Variants in EPG5 observed in about 807,000 individuals in gnomAD.
EPG5 encodes the protein ectopic P-granules 5 autophagy tethering factor, also known as ectopic P granules protein 5 homolog.
EPG5 carries 159 observed loss-of-function variants against 302.7 expected under a neutral mutation model. That is an observed-to-expected ratio of 0.53 (90% CI 0.46 to 0.60). The LOEUF (loss-of-function observed/expected upper bound fraction) is 0.60. EPG5 is among the 20% of genes least tolerant of loss of function. The pLI is 0.00. For synonymous variants in EPG5, 1,158 were observed against 1,136.8 expected (o/e 1.02, Z -0.37); for missense variants, 2,896 against 3,092.4 (o/e 0.94, Z 1.51).
At chr18:45,903,669 G>A (rs941723291) in intron 25 of EPG5, among the ~76,000 whole-genome samples, 4 of 152,142 alleles carry the variant, frequency 2.6e-5, no homozygotes, top group African/African-American at 4.8e-5. Flanking sequence ...CTAGAAAAAT[G>A]TACTGGGAGA....
chr18:45,946,835 T>C (rs899328418), intron 6 of EPG5, 67 bp from the exon 7 acceptor site: 15 of 1,248,790 alleles, frequency 1.2e-5, no homozygotes, highest in Middle Eastern at 3.8e-4. Context: ...GTGGATTCTC[T>C]ACTCACCCTG....
At chr18:45,930,613 T>C in intron 12 of EPG5, 63 bp downstream of exon 12, 1 of 1,401,298 alleles carries the variant, frequency 7.1e-7, no homozygotes, top group East Asian at 2.5e-5. Flanking sequence ...CCCCAAAAAA[T>C]CAACAGATGG....
intron 27 of EPG5, among the ~76,000 whole-genome samples, chr18:45,893,151 T>C (rs1267926813): frequency 3.3e-5 from 5 of 152,198 alleles, no homozygotes; most frequent in East Asian, 1.9e-4. Flanking sequence ...AGTAGGGGTC[T>C]TGAATTTAGA....
At chr18:45,864,654 C>G (rs1790298) in intron 39 of EPG5, among the ~76,000 whole-genome samples, 120,436 of 152,100 alleles carry the variant, frequency 0.79, 48,465 homozygotes, top group African/African-American at 0.93. Context: ...GTTAAAGATG[C>G]GTTTCTCCAA....
intron 20 of EPG5, among the ~76,000 whole-genome samples, chr18:45,914,950 T>C (rs2049994295): frequency 7.6e-6 from 1 of 130,826 alleles, no homozygotes; most frequent in Non-Finnish European, 1.6e-5. Context: ...AGGCCCTGTA[T>C]CCAAAAATGT....
At chr18:45,820,576 T>C in the EPG5 span, among the ~76,000 whole-genome samples, 2 of 152,028 alleles carry the variant, frequency 1.3e-5, no homozygotes, top group Non-Finnish European at 2.9e-5. Context: ...TCTTCTGCCA[T>C]TCCTCCTTGC....
chr18:45,889,842 T>C lies in EPG5; in HGVS notation c.4908A>G (p.Ser1636=), dbSNP rs753085363. ...GTACAGCAGCTTCCACAATATTAAG[T>C]GATGGTGGTTTAGCAGCTTCTGCTT... ...QLQAEAAKPP[S]LNIVEAAVHA... Residue 1636 remains serine, a synonymous_variant, in exon 28 of 44, where the codon TCA becomes TCG. Transcript: ENST00000282041. The C allele has an allele frequency of 1.2e-6, 2 of 1,612,494 alleles. No individual in the cohort carries two copies. The highest frequency in any genetic ancestry group is 1.1e-5 in the South Asian group (1 of 90,862).
chr18:45,827,471 A>G, the EPG5 span, among the ~76,000 whole-genome samples: 1 of 152,184 alleles, frequency 6.6e-6, no homozygotes, highest in Non-Finnish European at 1.5e-5. Flanking sequence ...GGTCCCACTG[A>G]GACAGTGGCC....
At position 45,879,184 on chromosome 18, in the gene EPG5, A is replaced by C. The variant is rs1568115473; in HGVS notation, c.5698T>G (p.Phe1900Val). The change falls in exon 33 of 44, where the codon TTT becomes GTT. Residue 1900 changes from phenylalanine to valine, a missense_variant. Phe to Val is a conservative substitution (Grantham distance 50). This residue lies in a region of EPG5 where 790 missense variants were observed against 798.0 expected (regional missense o/e 0.99). Transcript: ENST00000282041. ...VMETIQWLSD[F>V]FYKLRLSKMD... The stretch of plus-strand genomic sequence containing the variant: ...TTGGATAACCGAAGCTTATAAAAAA[A>C]GTCTGAAAGCCACTGTATAGTCTCC... 6.2e-7 allele frequency: 1 copy of C among 1,613,706 alleles called. No homozygotes were observed. The highest frequency in any genetic ancestry group is 8.5e-7 in the Non-Finnish European group (1 of 1,179,938).
At position 45,874,264 on chromosome 18, in the gene EPG5, A is replaced by G. The variant is rs183507842; in HGVS notation, c.6049+1972T>C. ...AAGGCTTGTGCATGTGTGGGGGCAG[A>G]AGGTATAAAGGAATTCTTGTACTTT... is the stretch of plus-strand genomic sequence containing the variant. On this transcript the variant is annotated intron_variant, in intron 35 of 43. Coordinates refer to ENST00000282041, the MANE Select transcript of EPG5 (RefSeq NM_020964.3). Among the ~76,000 whole-genome samples the G allele has an allele frequency of 4.1e-3, 632 of 152,314 alleles. 2 individuals carry two copies. Among genetic ancestry groups the G allele is most frequent in the Non-Finnish European group, 6.9e-3 (472 of 68,034 alleles).
chr18:45,898,007 C>A (rs1465295612), intron 27 of EPG5, among the ~76,000 whole-genome samples: 1 of 152,214 alleles, frequency 6.6e-6, no homozygotes, highest in Non-Finnish European at 1.5e-5. Context: ...CCAAGCATTT[C>A]TCTTTCAGCT....
the EPG5 span, chr18:45,825,532 G>A: frequency 1.7e-6 from 1 of 594,180 alleles, no homozygotes; most frequent in South Asian, 2.1e-5. Flanking sequence ...ACTCCACGGG[G>A]CTTGAATGAT....
chr18:45,913,769 G>A lies in EPG5; in HGVS notation c.3753C>T (p.Leu1251=). The A allele has an allele frequency of 2.5e-6, 4 of 1,614,056 alleles. No individual in the cohort carries two copies. The highest frequency in any genetic ancestry group is 2.5e-6 in the Non-Finnish European group (3 of 1,180,008). The change falls in exon 21 of 44, where the codon CTC becomes CTT. Residue 1251 remains leucine, a synonymous_variant. Coordinates refer to ENST00000282041, the MANE Select transcript of EPG5 (RefSeq NM_020964.3). ...MESIFEEDSQ[L]RRVIEGELVI... ...CCAATTCCCCTTCAATAACTCTCCG[G>A]AGCTGGGAGTCCTCTTCAAAGATGG...
the EPG5 span, among the ~76,000 whole-genome samples, chr18:45,814,286 G>A: frequency 8.5e-5 from 13 of 152,268 alleles, no homozygotes; most frequent in South Asian, 2.7e-3. Flanking sequence ...CAGTTGAAGG[G>A]CATTCTGCAA....
the EPG5 span, among the ~76,000 whole-genome samples, chr18:45,828,104 A>G: frequency 1.3e-5 from 2 of 152,166 alleles, no homozygotes; most frequent in East Asian, 3.9e-4. Context: ...GCCAGAAGAC[A>G]TCCAGGCCAC....
the EPG5 span, among the ~76,000 whole-genome samples, chr18:45,836,159 C>T: frequency 6.6e-6 from 1 of 152,244 alleles, no homozygotes; most frequent in East Asian, 1.9e-4. Context: ...GGCTAAATTA[C>T]CTCAAAAAGC....
At chr18:45,879,430 C>T (rs964705652) in intron 32 of EPG5, among the ~76,000 whole-genome samples, 2 of 152,186 alleles carry the variant, frequency 1.3e-5, no homozygotes, top group African/African-American at 4.8e-5. Flanking sequence ...TGCAGTGGCA[C>T]GATCTTGGCT....
chr18:45,902,755 A>G (rs2049649503), intron 25 of EPG5, among the ~76,000 whole-genome samples: 1 of 152,188 alleles, frequency 6.6e-6, no homozygotes, highest in African/African-American at 2.4e-5. Context: ...AGTACAAGGT[A>G]TCACCAGACA....
chr18:45,927,505 C>T lies in EPG5; in HGVS notation c.2553+1364G>A, dbSNP rs779289660. 4.6e-5 allele frequency among the ~76,000 whole-genome samples: 7 copies of T among 152,028 alleles called. No individual in the cohort carries two copies. In the South Asian group the frequency reaches 6.2e-4, roughly 14 times the overall value. On this transcript the variant is annotated intron_variant, in intron 13 of 43. Transcript: ENST00000282041. ...GGCCCGAAAGAGATATTGGTACATC[C>T]GCATTCACAGAAACATTATTCACAA...
Sources: allele counts gnomAD v4.1 joint callset (sites outside exome capture counted in the v4.1 genomes callset), GRCh38; gene constraint gnomAD v4.1.1; regional missense constraint gnomAD v4.1.1; transcripts MANE v1.5; gene names NCBI Gene and HGNC (gene_info 2026-07-23, HGNC 2026-07-21).